Variants in PCCA observed in about 807,000 individuals in gnomAD.
PCCA encodes the protein propionyl-CoA carboxylase subunit alpha.
A neutral mutation model predicts 101.3 loss-of-function variants in PCCA; 74 were observed. The ratio of observed to expected loss-of-function variants is 0.73; its 90% confidence interval spans 0.61 to 0.89. The LOEUF is 0.89. PCCA is among the 40% of genes least tolerant of loss of function. PCCA has a pLI of 0.00. For synonymous variants in PCCA, 294 were observed against 313.6 expected, an observed-to-expected ratio of 0.94 and a Z score of 0.66; for missense variants, 891 against 907.0, an observed-to-expected ratio of 0.98 and a Z score of 0.23.
chr13:100,385,832 G>A (rs987929586), intron 19 of PCCA, among the ~76,000 whole-genome samples: 1 of 152,100 alleles, frequency 6.6e-6, no homozygotes, highest in South Asian at 2.1e-4. Context: ...GGCTGGTCTC[G>A]AACTCCTGGG....
At chr13:100,274,683 ATC>A (rs1476258111) in intron 12 of PCCA, among the ~76,000 whole-genome samples, 1 of 151,998 alleles carries the variant, frequency 6.6e-6, no homozygotes, top group Non-Finnish European at 1.5e-5. Flanking sequence ...CTCTCTGTGC[ATC>A]TCTGTGCCCA....
chr13:100,319,775 C>G (rs1324903436), intron 16 of PCCA, among the ~76,000 whole-genome samples: 1 of 152,144 alleles, frequency 6.6e-6, no homozygotes, highest in East Asian at 1.9e-4. Context: ...AGCATGATGC[C>G]TCCAGGTTTG....
rs556132730 is a variant in PCCA, at chr13:100,334,198, C to T, written c.1540+3527C>T. ...CATTTAGACTATTGGAATACCTCTC[C>T]GGGGACTCTCTCCATGGGAGCTGGG... On this transcript the variant is annotated intron_variant, in intron 17 of 23. Transcript: ENST00000376285. 1.8e-4 allele frequency among the ~76,000 whole-genome samples: 27 copies of T among 152,252 alleles called. No homozygotes were observed. In the South Asian group the frequency reaches 4.6e-3, roughly 26 times the overall value.
rs193248955 is a variant in PCCA at position 100,418,569 on chromosome 13, T to G, written c.1747-7064T>G. Among the ~76,000 whole-genome samples, 67 of 152,222 alleles carry G rather than the reference T, an allele frequency of 4.4e-4. 1 individual carries two copies. Among genetic ancestry groups the G allele is most frequent in the African/African-American group, 1.5e-3 (62 of 41,558 alleles). On this transcript the variant is annotated intron_variant, in intron 19 of 23. Coordinates refer to ENST00000376285, the MANE Select transcript of PCCA (RefSeq NM_000282.4). Reference sequence around the variant, plus strand: ...TGCATGATCTTTCAAAAATGGACAGTGTGGCTCACACCTGTAATCGCAGCA... The same window carrying G: ...TGCATGATCTTTCAAAAATGGACAGGGTGGCTCACACCTGTAATCGCAGCA...
chr13:100,187,134 C>G (rs1184512120), intron 6 of PCCA, among the ~76,000 whole-genome samples: 1 of 152,140 alleles, frequency 6.6e-6, no homozygotes, highest in Non-Finnish European at 1.5e-5. Flanking sequence ...GATTTGGCAG[C>G]CTAATAGATG....
At chr13:100,140,781 G>C (rs749666278) in intron 4 of PCCA, among the ~76,000 whole-genome samples, 6 of 152,188 alleles carry the variant, frequency 3.9e-5, no homozygotes, top group Non-Finnish European at 7.3e-5. Context: ...CCTGCAGTTA[G>C]AATGGCCAGG....
Position 100,400,775 on chromosome 13 carries a change from G to A in PCCA, c.1747-24858G>A, listed in dbSNP as rs112514443. ...TGAGTAGCTGGGATTGTAGGTGCCC[G>A]CCACCATGCTTGGCTAATTTGTGTA... On this transcript the variant is annotated intron_variant, in intron 19 of 23. Transcript: ENST00000376285. 4.6e-5 allele frequency among the ~76,000 whole-genome samples: 7 copies of A among 151,694 alleles called. No individual in the cohort carries two copies. The East Asian group carries it at 9.7e-4, about 21-fold the overall frequency.
chr13:100,265,920 T>C (rs867620311), intron 10 of PCCA, among the ~76,000 whole-genome samples: 1 of 152,162 alleles, frequency 6.6e-6, no homozygotes, highest in Non-Finnish European at 1.5e-5. Flanking sequence ...TAGGAAAGAC[T>C]GTGAGATGTG....
intron 12 of PCCA, among the ~76,000 whole-genome samples, chr13:100,294,091 G>C (rs1001074498): frequency 6.6e-6 from 1 of 152,164 alleles, no homozygotes; most frequent in Non-Finnish European, 1.5e-5. Context: ...AACAGGGTCA[G>C]TTTCTTTTGG....
At chr13:100,353,551 A>G (rs944309434) in intron 18 of PCCA, among the ~76,000 whole-genome samples, 2 of 152,226 alleles carry the variant, frequency 1.3e-5, no homozygotes, top group African/African-American at 4.8e-5. Flanking sequence ...ATTACAGAGG[A>G]AACTAGAAAA....
At chr13:100,296,989 T>C (rs2065592781) in intron 12 of PCCA, among the ~76,000 whole-genome samples, 1 of 152,242 alleles carries the variant, frequency 6.6e-6, no homozygotes, top group African/African-American at 2.4e-5. Flanking sequence ...TTTTGGTCAG[T>C]TGTGATCTTA....
chr13:100,136,119 A>G (rs569317328), intron 4 of PCCA, among the ~76,000 whole-genome samples: 3 of 151,034 alleles, frequency 2.0e-5, no homozygotes, highest in South Asian at 2.1e-4. Context: ...TGGTATTAGC[A>G]TAATGTTGTC....
intron 22 of PCCA, among the ~76,000 whole-genome samples, chr13:100,526,211 C>T (rs1301480056): frequency 2.0e-5 from 3 of 152,234 alleles, no homozygotes; most frequent in African/African-American, 4.8e-5. Flanking sequence ...GGGGCCTCTG[C>T]ATTGTCTCTG....
intron 21 of PCCA, among the ~76,000 whole-genome samples, chr13:100,459,466 C>T (rs932926767): frequency 2.0e-5 from 3 of 152,198 alleles, no homozygotes; most frequent in Non-Finnish European, 4.4e-5. Flanking sequence ...TATTTTCATA[C>T]ATCACCTGTA....
intron 7 of PCCA, among the ~76,000 whole-genome samples, chr13:100,229,768 T>A (rs1441236484): frequency 6.6e-6 from 1 of 152,336 alleles, no homozygotes; most frequent in African/African-American, 2.4e-5. Flanking sequence ...CAATGTACTC[T>A]CGTGGCAAAA....
At chr13:100,402,728 TG>T (rs1245959430) in intron 19 of PCCA, among the ~76,000 whole-genome samples, 2 of 151,518 alleles carry the variant, frequency 1.3e-5, no homozygotes, top group Non-Finnish European at 2.9e-5. Flanking sequence ...TATGGGTGGG[TG>T]GTATTGGTAG....
intron 18 of PCCA, among the ~76,000 whole-genome samples, chr13:100,357,777 A>G (rs2074105779): frequency 6.6e-6 from 1 of 152,184 alleles, no homozygotes; most frequent in African/African-American, 2.4e-5. Context: ...GCTGTAACTC[A>G]GTTATTGGTT....
At chr13:100,402,716 G>A (rs558649927) in intron 19 of PCCA, among the ~76,000 whole-genome samples, 2 of 152,270 alleles carry the variant, frequency 1.3e-5, no homozygotes, top group East Asian at 3.9e-4. Context: ...GGCAAGGGGT[G>A]GTATGGGTGG....
intron 2 of PCCA, among the ~76,000 whole-genome samples, chr13:100,109,510 G>A (rs915276940): frequency 1.3e-5 from 2 of 152,186 alleles, no homozygotes; most frequent in African/African-American, 4.8e-5. Context: ...ATCAGATGTG[G>A]TCTGTTTCAC....
Sources: gnomAD v4.1 joint callset for allele counts (sites outside exome capture counted in the v4.1 genomes callset) on GRCh38, gnomAD v4.1.1 for gene constraint, MANE v1.5 for transcripts, NCBI Gene and HGNC (gene_info 2026-07-23, HGNC 2026-07-21) for gene names.